The following SHC2 variants were observed in gnomAD, a reference collection of about 807,000 sequenced individuals.
The protein encoded by SHC2 is SHC-transforming protein 2.
SHC2 carries 62 observed loss-of-function variants against 60.6 expected under a neutral mutation model. That is an observed-to-expected ratio of 1.02 (90% CI 0.83 to 1.26). The LOEUF is 1.26. Ranked by LOEUF, SHC2 falls within the 50% of genes most tolerant of loss-of-function variation. The pLI is 0.00. For synonymous variants in SHC2, 375 were observed against 372.4 expected, an observed-to-expected ratio of 1.01 and a Z score of -0.08; for missense variants, 873 against 822.2, an observed-to-expected ratio of 1.06 and a Z score of -0.76.
intron 11 of SHC2, among the ~76,000 whole-genome samples, chr19:420,923 G>A (rs375230594): frequency 1.3e-5 from 2 of 151,456 alleles, no homozygotes; most frequent in Non-Finnish European, 1.5e-5. Context: ...GGTGGTGGGC[G>A]CCTGTAGTCT....
At chr19:442,551 A>G (rs995921143) in intron 1 of SHC2, among the ~76,000 whole-genome samples, 36 of 12,784 alleles carry the variant, frequency 2.8e-3, no homozygotes, top group Non-Finnish European at 4.2e-3. Context: ...GGGTGGGTGG[A>G]TGGGTGGGTG....
At chr19:429,800 C>T (rs569131885) in intron 9 of SHC2, among the ~76,000 whole-genome samples, 8 of 145,154 alleles carry the variant, frequency 5.5e-5, no homozygotes, top group Admixed American at 1.4e-4. Context: ...CCAACATGCA[C>T]GGAAACCTCA....
At position 436,178 on chromosome 19, in the gene SHC2, G is replaced by C. The variant is rs746984702; in HGVS notation, c.940C>G (p.Leu314Val). 2.5e-6 allele frequency: 4 copies of C among 1,610,958 alleles called. No individual in the cohort carries two copies. Among genetic ancestry groups the C allele is most frequent in the African/African-American group, 1.3e-5 (1 of 74,930 alleles). Residue 314 changes from leucine (L) to valine (V), a missense_variant, in exon 7 of 13, where the codon CTG (leucine) becomes GTG (valine). By Grantham distance (32) the Leu-to-Val change is conservative. Coordinates refer to ENST00000264554, the MANE Select transcript of SHC2 (RefSeq NM_012435.3). ...AGCTCTGGTTACCTTTCTGGGGGCA[G>C]CGCCACCTTGGGCGGGCTGTGCAGG... ...QYLHSPPKVA[L>V]PPERLAGPEE...
intron 1 of SHC2, among the ~76,000 whole-genome samples, chr19:450,864 C>G (rs186262775): frequency 7.7e-4 from 113 of 147,378 alleles, no homozygotes; most frequent in African/African-American, 2.8e-3. Context: ...CGTATTTCAG[C>G]GTGTGGATGG....
rs983019624 is a variant in SHC2 at position 460,658 on chromosome 19, C to A, written c.339G>T (p.Ala113=). ...CGGCGGCGGCGTCCCCGGACCCCGC[C>A]GCCCCCCGCCCGCCCCGCGACCCCC... ...GSRGSRGGRG[A]AGSGDAAAAA... The change falls in exon 1 of 13, where the codon GCG becomes GCT. Residue 113 remains alanine (A), a synonymous_variant. Transcript: ENST00000264554. The A allele has an allele frequency of 1.4e-4, 162 of 1,140,156 alleles. 1 individual carries two copies. The African/African-American group carries it at 2.4e-3, about 17-fold the overall frequency. 70.6% of individuals were successfully genotyped at this position (1,140,156 alleles called of 1,614,324 possible).
Position 441,022 on chromosome 19 carries a change from A to T in SHC2, c.469-90T>A. 6.5e-7 allele frequency: 1 copy of T among 1,531,040 alleles called. No individual in the cohort carries two copies. The highest frequency in any genetic ancestry group is 9.0e-7 in the Non-Finnish European group (1 of 1,113,494). The allele number at this position is 1,531,040 out of a possible 1,614,324, so 94.8% of individuals were successfully genotyped here. ...CCAGCAGCCCTTCGCCGCCTCCACC[A>T]CCCCTGGGGTCGAGCCCTTTCCTCT... On this transcript the variant is annotated intron_variant, in intron 1 of 12. Coordinates refer to ENST00000264554, the MANE Select transcript of SHC2 (RefSeq NM_012435.3). This position sits in a 1 kb window ranked among gnomAD's most constrained non-coding sequence, Gnocchi z 4.9.
In SHC2 at chr19:453,827, G is replaced by T. The variant is rs548814586; in HGVS notation, c.468+6702C>A. Among the ~76,000 whole-genome samples, 1 of 152,300 alleles carries T rather than the reference G, an allele frequency of 6.6e-6. No individual in the cohort carries two copies. The highest frequency in any genetic ancestry group is 2.1e-4 in the South Asian group (1 of 4,816). On this transcript the variant is annotated intron_variant, in intron 1 of 12. Coordinates refer to ENST00000264554, the MANE Select transcript of SHC2 (RefSeq NM_012435.3). This position sits in a 1 kb window ranked among gnomAD's most constrained non-coding sequence, Gnocchi z 6.3. Reference sequence around the variant, plus strand: ...GCTCCACGCACCTGGAGCAGAGCCAGACACGCACAGGAAACTCTCCCTGAA... The same window carrying T: ...GCTCCACGCACCTGGAGCAGAGCCATACACGCACAGGAAACTCTCCCTGAA...
chr19:418,120 TC>T, intron 12 of SHC2, among the ~76,000 whole-genome samples: 1 of 151,588 alleles, frequency 6.6e-6, no homozygotes, highest in African/African-American at 2.4e-5. Flanking sequence ...CTACCATGGG[TC>T]CCCCCGGGCC....
intron 7 of SHC2, 174 bp downstream of exon 7, chr19:435,991 G>C: frequency 1.5e-6 from 1 of 663,088 alleles, no homozygotes; most frequent in Non-Finnish European, 2.5e-6. Flanking sequence ...GCGTTTACTC[G>C]GGTGTTAACA....
Position 422,552 on chromosome 19 carries a change from CT to C in SHC2, c.1310-97del. On this transcript the variant is annotated intron_variant, in intron 10 of 12. Coordinates refer to ENST00000264554, the MANE Select transcript of SHC2 (RefSeq NM_012435.3). The surrounding 1 kb of genome is among the most constrained non-coding windows in gnomAD (Gnocchi z 5.0). ...GAGAAACGGGTTCCCCGGGGAGTCC[CT>C]CGTGCACCCGTCGGCCTGCGCTGAC... 1.9e-6 allele frequency: 2 copies of C among 1,045,234 alleles called. No individual in the cohort carries two copies. Among genetic ancestry groups the C allele is most frequent in the Non-Finnish European group, 2.7e-6 (2 of 734,322 alleles). 64.7% of individuals were successfully genotyped at this position (1,045,234 alleles called of 1,614,324 possible). A position where few individuals can be genotyped will look rare whatever the true frequency, so the allele number is the denominator to read the frequency against.
intron 11 of SHC2, among the ~76,000 whole-genome samples, chr19:420,737 G>A (rs1471003806): frequency 1.3e-5 from 2 of 152,200 alleles, no homozygotes; most frequent in African/African-American, 4.8e-5. Context: ...AATTCAGGCG[G>A]GGAGAGTGTA....
intron 5 of SHC2, 37 bp downstream of exon 5, chr19:436,593 G>T: frequency 1.9e-6 from 3 of 1,595,224 alleles, no homozygotes; most frequent in African/African-American, 1.3e-5. Flanking sequence ...GGAGGGGGGC[G>T]GCAGGGCTGC....
rs886241597 is a variant in SHC2, at chr19:422,703, G to A, written c.1310-247C>T. 2.1e-5 allele frequency: 9 copies of A among 435,752 alleles called. No individual in the cohort carries two copies. The highest frequency in any genetic ancestry group is 1.0e-4 in the African/African-American group (5 of 49,682). 27.0% of individuals were successfully genotyped at this position (435,752 alleles called of 1,614,324 possible). On this transcript the variant is annotated intron_variant, in intron 10 of 12. Transcript: ENST00000264554. This position sits in a 1 kb window ranked among gnomAD's most constrained non-coding sequence, Gnocchi z 5.0. ...GGCACGTACTAAGCATGTACAAAGG[G>A]TAACAGCAGCTCTTTCTTTCAGAGG...
intron 1 of SHC2, among the ~76,000 whole-genome samples, chr19:454,435 G>A (rs1022292191): frequency 2.6e-5 from 4 of 152,148 alleles, no homozygotes; most frequent in Non-Finnish European, 4.4e-5. Context: ...CAGAGGCCCC[G>A]GGAAGGCGGT....
intron 7 of SHC2, chr19:435,929 C>T: frequency 2.0e-6 from 1 of 510,438 alleles, no homozygotes; most frequent in Non-Finnish European, 3.5e-6. Context: ...CTCAGGCACA[C>T]CGGGGAGTCA....
chr19:431,996 G>T (rs372714852), intron 8 of SHC2, among the ~76,000 whole-genome samples: 1 of 6,900 alleles, frequency 1.4e-4, no homozygotes, highest in African/African-American at 1.1e-3. Flanking sequence ...TAGAGGAGGC[G>T]GGGCAGATAG....
intron 9 of SHC2, among the ~76,000 whole-genome samples, chr19:429,788 A>AC (rs1974523637): frequency 2.7e-5 from 4 of 146,914 alleles, no homozygotes; most frequent in African/African-American, 5.1e-5. Context: ...CAGTACCTAT[A>AC]CCCAACATGC....
At chr19:442,511 ATGGATGGATGGGTGGG>A (rs1384361686) in intron 1 of SHC2, among the ~76,000 whole-genome samples, 90 of 58,586 alleles carry the variant, frequency 1.5e-3, no homozygotes, top group African/African-American at 2.4e-3. Context: ...GGACGGATGG[ATGGATGGATGGGTGGG>A]TGGATGGATG....
At chr19:442,531 A>G (rs867034271) in intron 1 of SHC2, among the ~76,000 whole-genome samples, 36 of 37,148 alleles carry the variant, frequency 9.7e-4, no homozygotes, top group African/African-American at 2.6e-3. Context: ...GGGTGGGTGG[A>G]TGGATGGGTG....
Sources: allele counts gnomAD v4.1 joint callset (sites outside exome capture counted in the v4.1 genomes callset), GRCh38; gene constraint gnomAD v4.1.1; non-coding constraint Gnocchi (gnomAD v3.1); transcripts MANE v1.5; gene names NCBI Gene and HGNC (gene_info 2026-07-23, HGNC 2026-07-21).